Variants in LCOR observed in about 807,000 individuals in gnomAD.
LCOR encodes ligand dependent nuclear receptor corepressor.
Under a neutral mutation model 64.4 loss-of-function variants are expected in LCOR, and 14 were observed. The observed-to-expected ratio is 0.22, with a 90% CI of 0.14 to 0.34. The LOEUF (loss-of-function observed/expected upper bound fraction) is 0.34, where lower values mean the gene tolerates loss of function less well. Ranked by LOEUF, LCOR falls within the 10% of genes least tolerant of loss-of-function variation. The pLI is 1.00. For synonymous variants in LCOR, 643 were observed against 642.5 expected, an observed-to-expected ratio of 1.00 and a Z score of -0.01; for missense variants, 1,686 against 1,765.3, an observed-to-expected ratio of 0.96 and a Z score of 0.80.
At chr10:96,942,822 C>T (rs1332634603) in intron 4 of LCOR, among the ~76,000 whole-genome samples, 2 of 151,180 alleles carry the variant, frequency 1.3e-5, no homozygotes, top group Non-Finnish European at 3.0e-5. Context: ...CATTTTCTTA[C>T]TTAGAACACT....
intron 7 of LCOR, among the ~76,000 whole-genome samples, chr10:96,967,373 C>G (rs533687032): frequency 3.3e-5 from 5 of 152,308 alleles, no homozygotes; most frequent in South Asian, 2.1e-4. Context: ...TTCAAGTGAT[C>G]CGCCTACCTT....
At chr10:96,842,889 C>T (rs1389864379) in intron 2 of LCOR, among the ~76,000 whole-genome samples, 1 of 152,074 alleles carries the variant, frequency 6.6e-6, no homozygotes, top group Non-Finnish European at 1.5e-5. Flanking sequence ...CCTTGGCCCC[C>T]CAAATTGCTG....
At chr10:96,972,641 A>T (rs1191266803) in intron 7 of LCOR, among the ~76,000 whole-genome samples, 1 of 152,164 alleles carries the variant, frequency 6.6e-6, no homozygotes, top group Non-Finnish European at 1.5e-5. Context: ...ATCTAGTTAA[A>T]ATGAAGAAAA....
chr10:96,838,262 C>A (rs1019295631), intron 2 of LCOR, among the ~76,000 whole-genome samples: 4 of 152,124 alleles, frequency 2.6e-5, no homozygotes, highest in Admixed American at 6.5e-5. Flanking sequence ...GTACATATAT[C>A]ATCACTGTCT....
In LCOR at chr10:96,952,846, T is replaced by C. The variant is rs542711418; in HGVS notation, c.332+650T>C. ...CAACTAGAAAAGTCAGGTATTAATA[T>C]TAAGACATTTAGATACCATGTTGAA... On this transcript the variant is annotated intron_variant, in intron 7 of 7. Coordinates refer to ENST00000421806, the MANE Select transcript of LCOR (RefSeq NM_001346516.2). Among the ~76,000 whole-genome samples, 4 of 152,340 alleles carry C rather than the reference T, an allele frequency of 2.6e-5. No homozygotes were observed. The South Asian group carries it at 8.3e-4, about 32-fold the overall frequency.
intron 2 of LCOR, among the ~76,000 whole-genome samples, chr10:96,889,725 A>T (rs1846406959): frequency 6.6e-6 from 1 of 152,156 alleles, no homozygotes; most frequent in Admixed American, 6.5e-5. Context: ...TTGAGTCCTT[A>T]ACAGTTCTTT....
intron 2 of LCOR, among the ~76,000 whole-genome samples, chr10:96,839,627 T>A (rs1440166705): frequency 6.6e-6 from 1 of 151,656 alleles, no homozygotes; most frequent in Admixed American, 6.6e-5. Context: ...TAAGATTACA[T>A]TTTTTTTGTT....
chr10:96,914,041 A>G (rs1314357215), intron 4 of LCOR, among the ~76,000 whole-genome samples: 1 of 152,230 alleles, frequency 6.6e-6, no homozygotes, highest in Non-Finnish European at 1.5e-5. Context: ...GGTTGGAGCC[A>G]GATAATAGAT....
chr10:96,940,932 GC>G (rs1263103318), intron 4 of LCOR, among the ~76,000 whole-genome samples: 1 of 150,510 alleles, frequency 6.6e-6, no homozygotes, highest in African/African-American at 2.4e-5. Flanking sequence ...GGGGCGGCTG[GC>G]CGGGCAGAGG....
chr10:96,871,359 AT>A (rs1002758845), intron 2 of LCOR, among the ~76,000 whole-genome samples: 18 of 147,238 alleles, frequency 1.2e-4, no homozygotes, highest in Admixed American at 2.0e-4. Flanking sequence ...CCCAGGCTCA[AT>A]TTTTTTTTTT....
chr10:96,941,443 G>A (rs1186881312), intron 4 of LCOR, among the ~76,000 whole-genome samples: 4 of 140,930 alleles, frequency 2.8e-5, no homozygotes, highest in Admixed American at 6.8e-5. Context: ...TGGACGGGGC[G>A]ACTGGCCGGG....
chr10:96,963,868 A>T (rs1271782791), intron 7 of LCOR: 1 of 152,218 alleles, frequency 6.6e-6, no homozygotes, highest in African/African-American at 2.4e-5. Flanking sequence ...TAGCCTTTGG[A>T]GATATGGAAA....
Position 96,847,347 on chromosome 10 carries a change from CAAAAAA to C in LCOR, c.-330+13879_-330+13884del, listed in dbSNP as rs542943351. ...GAAATTTATGTGTGACTTAATTTTT[CAAAAAA>C]AAAAAAAAAAGCACACGGTAACAGT... On this transcript the variant is annotated intron_variant, in intron 2 of 7. Coordinates refer to ENST00000421806, the MANE Select transcript of LCOR (RefSeq NM_001346516.2). Among the ~76,000 whole-genome samples, 422 of 74,272 alleles carry C rather than the reference CAAAAAA, an allele frequency of 5.7e-3. 6 individuals are homozygous for C. The highest frequency in any genetic ancestry group is 0.018 in the African/African-American group (381 of 21,062). The allele number at this position is 74,272 out of a possible 152,430, so 48.7% of individuals were successfully genotyped here.
Position 96,984,849 on chromosome 10 carries a change from C to T in LCOR, c.4389C>T (p.Ser1463=), listed in dbSNP as rs764766605. The T allele has an allele frequency of 1.1e-5, 18 of 1,613,972 alleles. No homozygotes were observed. The highest frequency in any genetic ancestry group is 5.3e-5 in the African/African-American group (4 of 74,914). Residue 1463 remains serine (S), a synonymous_variant, in exon 8 of 8, where the codon TCC becomes TCT. Coordinates refer to ENST00000421806, the MANE Select transcript of LCOR (RefSeq NM_001346516.2). ...ATAAAGTGAAGATCCCTAAAAAGTCCGCTGGGAAGAGCTGCCCTCCCTCCA... is the reference window on the plus strand; with the variant it reads ...ATAAAGTGAAGATCCCTAAAAAGTCTGCTGGGAAGAGCTGCCCTCCCTCCA... The part of the protein sequence containing the change: ...KENKVKIPKK[S]AGKSCPPSRK...
intron 4 of LCOR, among the ~76,000 whole-genome samples, chr10:96,921,543 C>A (rs116148352): frequency 0.051 from 7,776 of 152,184 alleles, 671 homozygotes; most frequent in African/African-American, 0.18. Context: ...CTCACCACAA[C>A]CTCCGCATCC....
At chr10:96,861,151 A>G (rs1845880846) in intron 2 of LCOR, among the ~76,000 whole-genome samples, 1 of 152,218 alleles carries the variant, frequency 6.6e-6, no homozygotes, top group African/African-American at 2.4e-5. Flanking sequence ...AATTTTGTTC[A>G]GAACCTTTGT....
rs191223956 is a variant in LCOR, at chr10:96,866,969, G to A, written c.-330+33490G>A. ...TTTTCCACATTTTGCCAGATTTTTCGTATTTGTCAGTCTTTTCTATTACTA... is the reference window on the plus strand; with the variant it reads ...TTTTCCACATTTTGCCAGATTTTTCATATTTGTCAGTCTTTTCTATTACTA... On this transcript the variant is annotated intron_variant, in intron 2 of 7. Transcript: ENST00000421806. Among the ~76,000 whole-genome samples, 303 of 152,074 alleles carry A rather than the reference G, an allele frequency of 2.0e-3. 1 individual carries two copies. The highest frequency in any genetic ancestry group is 3.3e-3 in the Non-Finnish European group (224 of 67,964).
chr10:96,934,641 A>G lies in LCOR; in HGVS notation c.-183-9472A>G, dbSNP rs910398374. 5.9e-5 allele frequency among the ~76,000 whole-genome samples: 9 copies of G among 152,168 alleles called. 1 individual carries two copies. The highest frequency in any genetic ancestry group is 5.2e-4 in the Admixed American group (8 of 15,276). ...TTTTAAGACAGAGTGTCACTCTGTC[A>G]CCCAGGCTAGAATGCAGTGGCGCAG... is the stretch of plus-strand genomic sequence containing the variant. On this transcript the variant is annotated intron_variant, in intron 4 of 7. Coordinates refer to ENST00000421806, the MANE Select transcript of LCOR (RefSeq NM_001346516.2).
At chr10:96,852,464 G>A (rs1027695769) in intron 2 of LCOR, among the ~76,000 whole-genome samples, 8 of 152,150 alleles carry the variant, frequency 5.3e-5, no homozygotes, top group Admixed American at 3.3e-4. Flanking sequence ...TAGGCTATGT[G>A]TATAAGGCAC....
Sources: gnomAD v4.1 joint callset for allele counts (sites outside exome capture counted in the v4.1 genomes callset) on GRCh38, gnomAD v4.1.1 for gene constraint, MANE v1.5 for transcripts, NCBI Gene and HGNC (gene_info 2026-07-23, HGNC 2026-07-21) for gene names.